Variants in DNAH6 observed in about 807,000 individuals in gnomAD.
DNAH6 encodes the protein axonemal beta dynein heavy chain 6.
Under a neutral mutation model 491.4 loss-of-function variants are expected in DNAH6, and 340 were observed. The ratio of observed to expected loss-of-function variants is 0.69; its 90% CI spans 0.63 to 0.76. The LOEUF (loss-of-function observed/expected upper bound fraction) is 0.76. DNAH6 is among the 30% of genes least tolerant of loss of function. The pLI is 0.00. For synonymous variants in DNAH6, 1,603 were observed against 1,686.1 expected (o/e 0.95, Z 1.21); for missense variants, 4,443 against 4,972.2 (o/e 0.89, Z 3.20).
intron 22 of DNAH6, among the ~76,000 whole-genome samples, chr2:84,613,079 C>A (rs1435847415): frequency 6.6e-6 from 1 of 151,874 alleles, no homozygotes; most frequent in Non-Finnish European, 1.5e-5. Context: ...TTATATAGAT[C>A]ATTTCAGGGG....
At chr2:84,763,627 C>T (rs749131604) in intron 64 of DNAH6, among the ~76,000 whole-genome samples, 8 of 151,218 alleles carry the variant, frequency 5.3e-5, no homozygotes, top group Non-Finnish European at 7.4e-5. Flanking sequence ...GGTCCCTGGA[C>T]GTGGAATTAA....
At chr2:84,720,168 G>A (rs919426702) in intron 59 of DNAH6, among the ~76,000 whole-genome samples, 3 of 151,286 alleles carry the variant, frequency 2.0e-5, no homozygotes, top group African/African-American at 7.3e-5. Context: ...GGGTGAGAAA[G>A]GGACAAACCC....
chr2:84,719,426 T>C (rs1313946757), intron 59 of DNAH6, among the ~76,000 whole-genome samples: 1 of 152,196 alleles, frequency 6.6e-6, no homozygotes, highest in Non-Finnish European at 1.5e-5. Context: ...AAAAATAGCA[T>C]TCCGTGCCTT....
chr2:84,555,686 T>C (rs932134369), intron 10 of DNAH6, among the ~76,000 whole-genome samples: 1 of 152,198 alleles, frequency 6.6e-6, no homozygotes, highest in African/African-American at 2.4e-5. Flanking sequence ...CCCACCAATA[T>C]GAATTGAACT....
intron 37 of DNAH6, among the ~76,000 whole-genome samples, chr2:84,667,192 G>A (rs927341289): frequency 6.6e-6 from 1 of 152,068 alleles, no homozygotes; most frequent in South Asian, 2.1e-4. Context: ...GCATGGGCAA[G>A]GACTTCATGT....
chr2:84,480,064 C>T, the DNAH6 span, among the ~76,000 whole-genome samples: 2 of 152,190 alleles, frequency 1.3e-5, no homozygotes, highest in African/African-American at 2.4e-5. Flanking sequence ...CATTCTGCAA[C>T]ATTGTCTAAC....
rs1687060253 is a variant in DNAH6 at position 84,618,147 on chromosome 2, G to T, written c.3572+1165G>T. ...TCTAAGTGTTTAGAGCAAGTTTCATGCAGGGAATTAGAAGTTTTCACTGGT... is the reference window on the plus strand; with the variant it reads ...TCTAAGTGTTTAGAGCAAGTTTCATTCAGGGAATTAGAAGTTTTCACTGGT... On this transcript the variant is annotated intron_variant, in intron 23 of 76. Transcript: ENST00000389394. 2.6e-5 allele frequency among the ~76,000 whole-genome samples: 4 copies of T among 152,140 alleles called. No individual in the cohort carries two copies. The South Asian group carries it at 8.3e-4, about 32-fold the overall frequency.
At chr2:84,779,236 G>T (rs1179811171) in intron 64 of DNAH6, among the ~76,000 whole-genome samples, 1 of 152,174 alleles carries the variant, frequency 6.6e-6, no homozygotes, top group African/African-American at 2.4e-5. Flanking sequence ...CTGTCAGTGG[G>T]ATCTTGAAGT....
At chr2:84,627,823 T>C (rs1688023236) in intron 29 of DNAH6, among the ~76,000 whole-genome samples, 1 of 152,202 alleles carries the variant, frequency 6.6e-6, no homozygotes, top group African/African-American at 2.4e-5. Flanking sequence ...CTCTTGCTTG[T>C]TGCTAATTTT....
chr2:84,646,947 A>C (rs1283760695), intron 33 of DNAH6, among the ~76,000 whole-genome samples: 1 of 152,166 alleles, frequency 6.6e-6, no homozygotes, highest in Non-Finnish European at 1.5e-5. Flanking sequence ...TCCCGGGTTC[A>C]AGCAATTCTC....
intron 3 of DNAH6, among the ~76,000 whole-genome samples, chr2:84,527,387 TG>T (rs2104440269): frequency 6.6e-6 from 1 of 152,202 alleles, no homozygotes; most frequent in South Asian, 2.1e-4. Flanking sequence ...ATTTTCCCAC[TG>T]AGTTACATAA....
chr2:84,703,537 C>T lies in DNAH6; in HGVS notation c.8204C>T (p.Ala2735Val), dbSNP rs867372944. ...EDVEALMEKLAVDQESADQVR... is the reference protein window; with the variant it reads ...EDVEALMEKLVVDQESADQVR... ...GTTGAAGCCCTGATGGAAAAATTGGCAGTGGATCAAGAAAGTGCCGATCAG... is the reference window on the plus strand; with the variant it reads ...GTTGAAGCCCTGATGGAAAAATTGGTAGTGGATCAAGAAAGTGCCGATCAG... Residue 2735 changes from alanine (A) to valine (V), a missense_variant, in exon 50 of 77, where the codon GCA (alanine) becomes GTA (valine). By Grantham distance (64) the Ala-to-Val change is moderately conservative (BLOSUM62 0). This residue lies in a region of DNAH6 where 2,977 missense variants were observed against 3,296.6 expected (regional missense o/e 0.90). Coordinates refer to ENST00000389394, the MANE Select transcript of DNAH6 (RefSeq NM_001370.2). 3 of 1,550,920 alleles carry T rather than the reference C, an allele frequency of 1.9e-6. No homozygotes were observed. Among genetic ancestry groups the T allele is most frequent in the Non-Finnish European group, 2.6e-6 (3 of 1,146,590 alleles).
chr2:84,571,346 T>C (rs150284993), intron 11 of DNAH6, among the ~76,000 whole-genome samples: 2 of 152,206 alleles, frequency 1.3e-5, no homozygotes, highest in African/African-American at 4.8e-5. Context: ...AAGCTACTTA[T>C]TGATTTCAAA....
intron 4 of DNAH6, among the ~76,000 whole-genome samples, chr2:84,531,701 G>A (rs533400738): frequency 6.6e-6 from 1 of 152,148 alleles, no homozygotes; most frequent in African/African-American, 2.4e-5. Flanking sequence ...CATTAATTTT[G>A]GGATGTCAAA....
chr2:84,665,430 C>T (rs1219901473), intron 37 of DNAH6, among the ~76,000 whole-genome samples: 3 of 152,190 alleles, frequency 2.0e-5, no homozygotes, highest in Non-Finnish European at 2.9e-5. Context: ...CACCACCAAT[C>T]CCACAGAAAT....
At chr2:84,616,702 A>G (rs1037791386) in intron 22 of DNAH6, among the ~76,000 whole-genome samples, 184 bp from the exon 23 acceptor site, 2 of 152,152 alleles carry the variant, frequency 1.3e-5, no homozygotes, top group Admixed American at 1.3e-4. Flanking sequence ...TATTGCCATT[A>G]CAATTCCATG....
intron 63 of DNAH6, among the ~76,000 whole-genome samples, chr2:84,759,723 A>G (rs1674386095): frequency 6.6e-6 from 1 of 152,128 alleles, no homozygotes; most frequent in Non-Finnish European, 1.5e-5. Context: ...TGTAAACCCT[A>G]AAAAATACCA....
chr2:84,604,444 A>G lies in DNAH6; in HGVS notation c.2974A>G (p.Thr992Ala). 6.4e-7 allele frequency: 1 copy of G among 1,551,886 alleles called. No homozygotes were observed. The highest frequency in any genetic ancestry group is 8.7e-7 in the Non-Finnish European group (1 of 1,147,014). Reference protein sequence around the residue: ...ATLVDAEIPLTLERLSQLHVF... With the variant: ...ATLVDAEIPLALERLSQLHVF... Reference sequence around the variant, plus strand: ...TCTAGTGGATGCTGAAATTCCATTAACCTTGGAGAGGCTCTCCCAGTTGCA... The same window carrying G: ...TCTAGTGGATGCTGAAATTCCATTAGCCTTGGAGAGGCTCTCCCAGTTGCA... Residue 992 changes from threonine to alanine, a missense_variant, in exon 19 of 77, where the codon ACC (threonine) becomes GCC (alanine). Transcript: ENST00000389394.
At chr2:84,605,270 G>C (rs930993806) in intron 19 of DNAH6, among the ~76,000 whole-genome samples, 1 of 150,582 alleles carries the variant, frequency 6.6e-6, no homozygotes, top group Admixed American at 6.6e-5. Context: ...GGAGAATGGC[G>C]TGAACCCAGG....
Sources: gnomAD v4.1 joint callset for allele counts (sites outside exome capture counted in the v4.1 genomes callset) on GRCh38, gnomAD v4.1.1 for gene constraint, gnomAD v4.1.1 regional missense constraint, MANE v1.5 for transcripts, NCBI Gene and HGNC (gene_info 2026-07-23, HGNC 2026-07-21) for gene names.